The following FAM111B variants were observed in gnomAD, a reference collection of about 807,000 sequenced individuals.
FAM111B encodes the protein FAM111 trypsin like peptidase B.
FAM111B carries 1 observed loss-of-function variant against 2.8 expected under a neutral mutation model. The observed-to-expected ratio is 0.36, with a 90% CI of 0.13 to 1.70. The LOEUF (loss-of-function observed/expected upper bound fraction) is 1.70. Ranked by LOEUF, FAM111B falls within the 40% of genes most tolerant of loss-of-function variation. The pLI, the probability that FAM111B is intolerant of heterozygous loss-of-function variation, is 0.35. For synonymous variants in FAM111B, 297 were observed against 295.6 expected (o/e 1.00, Z -0.05); for missense variants, 882 against 878.9 (o/e 1.00, Z -0.04).
chr11:59,114,598 TCTTC>T (rs1016357957), intron 3 of FAM111B, among the ~76,000 whole-genome samples: 1 of 152,236 alleles, frequency 6.6e-6, no homozygotes. Flanking sequence ...TTCGCCTTTT[TCTTC>T]CTTGTCTCTA....
intron 3 of FAM111B, among the ~76,000 whole-genome samples, chr11:59,111,370 C>CT (rs1024997315): frequency 2.6e-5 from 4 of 151,912 alleles, no homozygotes; most frequent in East Asian, 3.9e-4. Flanking sequence ...GCTGCAGTAT[C>CT]TTTTTTTTCT....
chr11:59,126,294 G>T lies in FAM111B; in HGVS notation c.2197G>T (p.Glu733Ter). ...TCAAGATCATCAGATTGAACCCATGGAATGTTAGAAAAGAGATGCTGTCTT... is the reference window on the plus strand; with the variant it reads ...TCAAGATCATCAGATTGAACCCATGTAATGTTAGAAAAGAGATGCTGTCTT... ...SLQDHQIEPMEC is the reference protein window; with the variant it reads ...SLQDHQIEPM Residue 733 changes from glutamate (E) to a stop codon, truncating the protein, a stop_gained, in exon 4 of 4, where the codon GAA (glutamate) becomes TAA (stop). Transcript: ENST00000343597. LOFTEE classifies it high-confidence loss of function. 6.6e-7 allele frequency: 1 copy of T among 1,520,516 alleles called. No homozygotes were observed. Among genetic ancestry groups the T allele is most frequent in the South Asian group, 1.4e-5 (1 of 73,108 alleles). 94.2% of individuals were successfully genotyped at this position (1,520,516 alleles called of 1,614,324 possible). A position where few individuals can be genotyped will look rare whatever the true frequency, so the allele number is the denominator to read the frequency against.
In FAM111B at chr11:59,125,871, G is replaced by A. The variant is rs1167564480; in HGVS notation, c.1774G>A (p.Val592Met). Residue 592 changes from valine to methionine, a missense_variant, in exon 4 of 4, where the codon GTG (valine) becomes ATG (methionine). Transcript: ENST00000343597. Reference protein sequence around the residue: ...GQIKKIDGCTVIPLNERLKKY... With the variant: ...GQIKKIDGCTMIPLNERLKKY... ...GATCAAGAAAATAGATGGTTGTACT[G>A]TGATTCCTCTAAACGAACGATTGAA... 6.2e-7 allele frequency: 1 copy of A among 1,613,882 alleles called. No homozygotes were observed. Among genetic ancestry groups the A allele is most frequent in the East Asian group, 2.2e-5 (1 of 44,874 alleles).
At position 59,111,830 on chromosome 11, in the gene FAM111B, G is replaced by A. The variant is rs77650685; in HGVS notation, c.81+2124G>A. On this transcript the variant is annotated intron_variant, in intron 3 of 3. Transcript: ENST00000343597. ...AATAGAATGAGAGGGAAAAATCAAA[G>A]TAAAGGAGGCAACAAAGCAAGGGAA... is the stretch of plus-strand genomic sequence containing the variant. Among the ~76,000 whole-genome samples the A allele has an allele frequency of 4.8e-3, 733 of 152,170 alleles. 9 individuals are homozygous for A. The highest frequency in any genetic ancestry group is 0.02 in the Middle Eastern group (6 of 294).
rs755531775 is a variant in FAM111B at position 59,124,909 on chromosome 11, A to C, written c.812A>C (p.Lys271Thr). The C allele has an allele frequency of 1.9e-6, 3 of 1,596,870 alleles. No homozygotes were observed. The highest frequency in any genetic ancestry group is 2.6e-6 in the Non-Finnish European group (3 of 1,175,486). Residue 271 changes from lysine (K) to threonine (T), a missense_variant, in exon 4 of 4, where the codon AAA (lysine) becomes ACA (threonine). By Grantham distance (78) the Lys-to-Thr change is moderately conservative. Coordinates refer to ENST00000343597, the MANE Select transcript of FAM111B (RefSeq NM_198947.4). ...GKVLEMDISK[K>T]KALQQKDIHK... is the part of the protein sequence containing the mutation. Reference sequence around the variant, plus strand: ...GTCTTAGAAATGGACATTTCAAAAAAAAAAGCATTACAACAGAAAGATATC... The same window carrying C: ...GTCTTAGAAATGGACATTTCAAAAACAAAAGCATTACAACAGAAAGATATC...
At chr11:59,121,350 C>T (rs1034583082) in intron 3 of FAM111B, among the ~76,000 whole-genome samples, 6 of 152,088 alleles carry the variant, frequency 3.9e-5, no homozygotes, top group African/African-American at 1.2e-4. Flanking sequence ...AAAAAGGGTT[C>T]AATTTCATTA....
chr11:59,126,020 T>A lies in FAM111B; in HGVS notation c.1923T>A (p.Tyr641Ter). Residue 641 changes from tyrosine (Y) to a stop codon, truncating the protein, a stop_gained, in exon 4 of 4, where the codon TAT (tyrosine) becomes TAA (stop). Transcript: ENST00000343597. LOFTEE classifies it low-confidence loss of function (END_TRUNC). ...TTTGGAACACACACACGCTTAGTTA[T>A]GATACTTGTTTCTCTGATGGGTCCT... is the stretch of plus-strand genomic sequence containing the variant. ...SEVWNTHTLS[Y>*]DTCFSDGSSG... 1.9e-6 allele frequency: 3 copies of A among 1,614,002 alleles called. No individual in the cohort carries two copies. Among genetic ancestry groups the A allele is most frequent in the Non-Finnish European group, 1.7e-6 (2 of 1,179,882 alleles).
chr11:59,109,316 C>T (rs1041970062), intron 2 of FAM111B, among the ~76,000 whole-genome samples: 6 of 152,186 alleles, frequency 3.9e-5, no homozygotes, highest in African/African-American at 1.4e-4. Context: ...ATCTTGGCCT[C>T]CCAAAACTCC....
chr11:59,122,975 C>A (rs1355808039), intron 3 of FAM111B, among the ~76,000 whole-genome samples: 1 of 152,100 alleles, frequency 6.6e-6, no homozygotes, highest in Non-Finnish European at 1.5e-5. Flanking sequence ...GATTTCCTTC[C>A]AAGTTATGTT....
chr11:59,110,789 CAT>C (rs1276564817), intron 3 of FAM111B, among the ~76,000 whole-genome samples: 3 of 152,032 alleles, frequency 2.0e-5, no homozygotes, highest in African/African-American at 7.2e-5. Flanking sequence ...CACAGGAAAA[CAT>C]ATTTGGGGAA....
Position 59,126,143 on chromosome 11 carries a change from A to G in FAM111B, c.2046A>G (p.Glu682=), listed in dbSNP as rs1860029397. The G allele has an allele frequency of 6.2e-7, 1 of 1,612,628 alleles. No individual in the cohort carries two copies. Among genetic ancestry groups the G allele is most frequent in the Admixed American group, 1.7e-5 (1 of 59,738 alleles). ...GATTTAATGTGCATGCCCTTATTGAATTTGGTTATTCTATGGATTCTATTC... is the reference window on the plus strand; with the variant it reads ...GATTTAATGTGCATGCCCTTATTGAGTTTGGTTATTCTATGGATTCTATTC... ...QRGFNVHALI[E]FGYSMDSILC... Residue 682 remains glutamate, a synonymous_variant, in exon 4 of 4, where the codon GAA becomes GAG. Transcript: ENST00000343597.
rs761176801 is a variant in FAM111B at position 59,124,903 on chromosome 11, CAAA to C, written c.814_816del (p.Lys272del). ...GGAAAAGTCTTAGAAATGGACATTT[CAAA>C]AAAAAAAGCATTACAACAGAAAGAT... On this transcript the variant is annotated inframe_deletion, in exon 4 of 4. Coordinates refer to ENST00000343597, the MANE Select transcript of FAM111B (RefSeq NM_198947.4). The C allele has an allele frequency of 7.0e-7, 1 of 1,428,930 alleles. No homozygotes were observed. The highest frequency in any genetic ancestry group is 2.1e-5 in the Admixed American group (1 of 47,058). 88.5% of individuals were successfully genotyped at this position (1,428,930 alleles called of 1,614,324 possible). A position where few individuals can be genotyped will look rare whatever the true frequency, so the allele number is the denominator to read the frequency against.
At chr11:59,122,792 G>A (rs1382169725) in intron 3 of FAM111B, among the ~76,000 whole-genome samples, 1 of 152,136 alleles carries the variant, frequency 6.6e-6, no homozygotes, top group Non-Finnish European at 1.5e-5. Context: ...GAAAACATGA[G>A]GTGATAGGAG....
intron 3 of FAM111B, among the ~76,000 whole-genome samples, chr11:59,113,206 G>T (rs796134960): frequency 1.3e-5 from 1 of 74,134 alleles, no homozygotes; most frequent in South Asian, 3.3e-4. Flanking sequence ...TGTGTAAATT[G>T]TGTGTTGTGT....
In FAM111B at chr11:59,125,802, C is replaced by A. The variant is rs376971211; in HGVS notation, c.1705C>A (p.Pro569Thr). 4 of 1,613,784 alleles carry A rather than the reference C, an allele frequency of 2.5e-6. No individual in the cohort carries two copies. The African/African-American group carries it at 5.3e-5, about 22-fold the overall frequency. ...ACTATGGCGACAGATTTCTCCTCAA[C>A]CATCTACTGGTTTGATTTATTTAAT... ...PGLWRQISPQ[P>T]STGLIYLIGH... is the part of the protein sequence containing the mutation. Residue 569 changes from proline (P) to threonine (T), a missense_variant, in exon 4 of 4, where the codon CCA (proline) becomes ACA (threonine). Coordinates refer to ENST00000343597, the MANE Select transcript of FAM111B (RefSeq NM_198947.4).
rs771666256 is a variant in FAM111B at position 59,124,353 on chromosome 11, A to G, written c.256A>G (p.Asn86Asp). 2 of 1,613,710 alleles carry G rather than the reference A, an allele frequency of 1.2e-6. No individual in the cohort carries two copies. The highest frequency in any genetic ancestry group is 1.7e-6 in the Non-Finnish European group (2 of 1,179,830). The change falls in exon 4 of 4, where the codon AAT becomes GAT. Residue 86 changes from asparagine to aspartate, a missense_variant. Coordinates refer to ENST00000343597, the MANE Select transcript of FAM111B (RefSeq NM_198947.4). ...NKECCFTFTL[N>D]GNSRKLDRSV... ...AGAATGTTGTTTCACCTTTACGTTGAATGGAAACTCCAGAAAATTAGACCG... is the reference window on the plus strand; with the variant it reads ...AGAATGTTGTTTCACCTTTACGTTGGATGGAAACTCCAGAAAATTAGACCG...
At chr11:59,113,138 ATTTTAAG>A (rs1444657434) in intron 3 of FAM111B, among the ~76,000 whole-genome samples, 1 of 152,118 alleles carries the variant, frequency 6.6e-6, no homozygotes, top group Non-Finnish European at 1.5e-5. Flanking sequence ...TCTGCAATTG[ATTTTAAG>A]TTTTATTTAT....
At chr11:59,120,582 T>C (rs912588443) in intron 3 of FAM111B, among the ~76,000 whole-genome samples, 12 of 152,208 alleles carry the variant, frequency 7.9e-5, no homozygotes, top group Non-Finnish European at 1.8e-4. Flanking sequence ...CAGCAGAGTT[T>C]GTGACCTGTT....
chr11:59,124,292 A>T lies in FAM111B; in HGVS notation c.195A>T (p.Thr65=). 6.2e-7 allele frequency: 1 copy of T among 1,613,922 alleles called. No homozygotes were observed. The highest frequency in any genetic ancestry group is 8.5e-7 in the Non-Finnish European group (1 of 1,179,828). ...KLKSEVNKHE[T]ALEMQNPNLN... ...AAAGTGAAGTCAACAAGCATGAAACAGCCCTTGAAATGCAGAATCCAAATT... is the reference window on the plus strand; with the variant it reads ...AAAGTGAAGTCAACAAGCATGAAACTGCCCTTGAAATGCAGAATCCAAATT... The change falls in exon 4 of 4, where the codon ACA becomes ACT. Residue 65 remains threonine (T), a synonymous_variant. Coordinates refer to ENST00000343597, the MANE Select transcript of FAM111B (RefSeq NM_198947.4).
Sources: allele counts gnomAD v4.1 joint callset (sites outside exome capture counted in the v4.1 genomes callset), GRCh38; gene constraint gnomAD v4.1.1; transcripts MANE v1.5; gene names NCBI Gene and HGNC (gene_info 2026-07-23, HGNC 2026-07-21).